FBXO24: variants seen among roughly 807,000 people sequenced by gnomAD.
FBXO24 encodes F-box only protein 24.
A neutral mutation model predicts 63.5 loss-of-function variants in FBXO24; 30 were observed. That is an observed-to-expected ratio of 0.47 (90% CI 0.35 to 0.64). The LOEUF (loss-of-function observed/expected upper bound fraction) is 0.64. Among genes scored for constraint, FBXO24 ranks in the 30% least tolerant of loss-of-function variants. The pLI is 0.00. For synonymous variants in FBXO24, 300 were observed against 305.0 expected (o/e 0.98, Z 0.17); for missense variants, 624 against 763.4 (o/e 0.82, Z 2.15).
Position 100,600,851 on chromosome 7 carries a change from G to A in FBXO24, c.1695G>A (p.Arg565=). 1 of 1,613,952 alleles carries A rather than the reference G, an allele frequency of 6.2e-7. No homozygotes were observed. The highest frequency in any genetic ancestry group is 8.5e-7 in the Non-Finnish European group (1 of 1,179,928). Residue 565 remains arginine (R), a synonymous_variant, in exon 10 of 10, where the codon AGG becomes AGA. Transcript: ENST00000241071. This position sits in a 1 kb window ranked among gnomAD's most constrained non-coding sequence, Gnocchi z 6.3. The part of the protein sequence containing the change: ...FFWEALDMLQ[R]AEGGGGGVGP... ...GGGAGGCCCTGGACATGCTGCAGAG[G>A]GCTGAAGGAGGCGGGGGTGGTGTAG... is the stretch of plus-strand genomic sequence containing the variant.
chr7:100,597,383 ATTTATTTTTATT>A (rs896204495), intron 8 of FBXO24, among the ~76,000 whole-genome samples: 1 of 152,102 alleles, frequency 6.6e-6, no homozygotes. Context: ...ACATAGTACC[ATTTATTTTTATT>A]TTTATTTTTA....
At chr7:100,599,877 T>C in intron 8 of FBXO24, 154 bp from the exon 9 acceptor site, 1 of 776,782 alleles carries the variant, frequency 1.3e-6, no homozygotes. Context: ...GCTGCAGGGG[T>C]CAGCAGGGCA....
At position 100,595,711 on chromosome 7, in the gene FBXO24, G is replaced by C; in HGVS notation, c.1206+5G>C. 1 of 1,589,152 alleles carries C rather than the reference G, an allele frequency of 6.3e-7. No homozygotes were observed. Among genetic ancestry groups the C allele is most frequent in the Non-Finnish European group, 8.6e-7 (1 of 1,163,700 alleles). On this transcript the variant is annotated splice_donor_5th_base_variant and intron_variant, in intron 8 of 9. Coordinates refer to ENST00000241071, the MANE Select transcript of FBXO24 (RefSeq NM_033506.3). Reference sequence around the variant, plus strand: ...GACCGAGGGGAACCCACACAGGTGAGACTATTTCCCAGCAACTCTCATCCC... The same window carrying C: ...GACCGAGGGGAACCCACACAGGTGACACTATTTCCCAGCAACTCTCATCCC...
chr7:100,595,713 C>T lies in FBXO24; in HGVS notation c.1206+7C>T. ...CCGAGGGGAACCCACACAGGTGAGA[C>T]TATTTCCCAGCAACTCTCATCCCAA... On this transcript the variant is annotated splice_region_variant and intron_variant, in intron 8 of 9. Transcript: ENST00000241071. 6.3e-7 allele frequency: 1 copy of T among 1,587,788 alleles called. No individual in the cohort carries two copies.
intron 1 of FBXO24, among the ~76,000 whole-genome samples, chr7:100,588,006 C>T (rs1801837410): frequency 2.0e-5 from 3 of 152,064 alleles, no homozygotes; most frequent in Admixed American, 6.5e-5. Flanking sequence ...CCTCAGCCTC[C>T]CGAGTAACTG....
rs776908351 is a variant in FBXO24, at chr7:100,595,558, T to G, written c.1075-17T>G. 8 of 1,570,212 alleles carry G rather than the reference T, an allele frequency of 5.1e-6. No homozygotes were observed. The highest frequency in any genetic ancestry group is 6.9e-6 in the Non-Finnish European group (8 of 1,154,140). On this transcript the variant is annotated splice_polypyrimidine_tract_variant and intron_variant, in intron 7 of 9. Coordinates refer to ENST00000241071, the MANE Select transcript of FBXO24 (RefSeq NM_033506.3). The stretch of plus-strand genomic sequence containing the variant: ...GAGGGAATGGAATCCCTATCCCCTT[T>G]CTATCTTGCACGCTAGATCCTATTC...
chr7:100,592,240 C>A (rs1339484043), intron 4 of FBXO24: 3 of 264,814 alleles, frequency 1.1e-5, no homozygotes, highest in African/African-American at 4.5e-5. Context: ...GCCTGGGCAA[C>A]AAGAGGGAGA....
chr7:100,592,645 C>T (rs1802087097), intron 4 of FBXO24, 138 bp from the exon 5 acceptor site: 1 of 675,154 alleles, frequency 1.5e-6, no homozygotes, highest in African/African-American at 1.8e-5. Flanking sequence ...TCTGCCCTCC[C>T]ACATAGGAAC....
Position 100,594,462 on chromosome 7 carries a change from G to A in FBXO24, c.873G>A (p.Leu291=), listed in dbSNP as rs1164324036. 6.2e-7 allele frequency: 1 copy of A among 1,613,606 alleles called. No individual in the cohort carries two copies. Among genetic ancestry groups the A allele is most frequent in the Non-Finnish European group, 8.5e-7 (1 of 1,179,818 alleles). Residue 291 remains leucine, a synonymous_variant, in exon 6 of 10, where the codon CTG becomes CTA. Coordinates refer to ENST00000241071, the MANE Select transcript of FBXO24 (RefSeq NM_033506.3). This position sits in a 1 kb window ranked among gnomAD's most constrained non-coding sequence, Gnocchi z 4.2. ...GCTCCTACACGGTTCAGCTGGCCCT[G>A]AGGAAGGTGTCCCACTACCTGCCTC... is the stretch of plus-strand genomic sequence containing the variant. ...QPRSYTVQLA[L]RKVSHYLPHL... is the part of the protein sequence containing the mutation.
chr7:100,593,914 G>A (rs1306590496), intron 5 of FBXO24, among the ~76,000 whole-genome samples: 2 of 151,672 alleles, frequency 1.3e-5, no homozygotes, highest in Non-Finnish European at 2.9e-5. Flanking sequence ...ACATCCCCAG[G>A]CCTGAGACCC....
Position 100,586,617 on chromosome 7 carries a change from A to G in FBXO24, c.-9A>G, listed in dbSNP as rs1801765653. The G allele has an allele frequency of 7.4e-6, 12 of 1,614,178 alleles. No individual in the cohort carries two copies. Among genetic ancestry groups the G allele is most frequent in the Non-Finnish European group, 1.0e-5 (12 of 1,180,012 alleles). On this transcript the variant is annotated 5_prime_UTR_variant, in exon 1 of 10. Coordinates refer to ENST00000241071, the MANE Select transcript of FBXO24 (RefSeq NM_033506.3). ...TCTTCTCTGAGGGACGGCTCTACCT[A>G]CCAATAGCATGGGCGAGAAGGCGGT... is the stretch of plus-strand genomic sequence containing the variant.
At position 100,586,594 on chromosome 7, in the gene FBXO24, T is replaced by A; in HGVS notation, c.-32T>A. 6.2e-7 allele frequency: 1 copy of A among 1,613,892 alleles called. No homozygotes were observed. Among genetic ancestry groups the A allele is most frequent in the Non-Finnish European group, 8.5e-7 (1 of 1,179,776 alleles). Reference sequence around the variant, plus strand: ...TCCGAAGGGAATCTGGACCTGCCTCTTCTCTGAGGGACGGCTCTACCTACC... The same window carrying A: ...TCCGAAGGGAATCTGGACCTGCCTCATCTCTGAGGGACGGCTCTACCTACC... On this transcript the variant is annotated 5_prime_UTR_variant, in exon 1 of 10. Transcript: ENST00000241071.
In FBXO24 at chr7:100,594,448, G is replaced by T. The variant is rs1431632199; in HGVS notation, c.859G>T (p.Val287Phe). Residue 287 changes from valine (V) to phenylalanine (F), a missense_variant, in exon 6 of 10, where the codon GTT (valine) becomes TTT (phenylalanine). This residue lies in a region of FBXO24 where 391 missense variants were observed against 469.1 expected (regional missense o/e 0.83). Coordinates refer to ENST00000241071, the MANE Select transcript of FBXO24 (RefSeq NM_033506.3). This position sits in a 1 kb window ranked among gnomAD's most constrained non-coding sequence, Gnocchi z 4.2. Reference protein sequence around the residue: ...TQLDQPRSYTVQLALRKVSHY... With the variant: ...TQLDQPRSYTFQLALRKVSHY... The stretch of plus-strand genomic sequence containing the variant: ...GCTTGACCAGCCACGCTCCTACACG[G>T]TTCAGCTGGCCCTGAGGAAGGTGTC... The T allele has an allele frequency of 6.2e-7, 1 of 1,613,684 alleles. No individual in the cohort carries two copies. Among genetic ancestry groups the T allele is most frequent in the South Asian group, 1.1e-5 (1 of 91,016 alleles).
At position 100,600,470 on chromosome 7, in the gene FBXO24, C is replaced by A; in HGVS notation, c.1378-64C>A. 1 of 1,520,012 alleles carries A rather than the reference C, an allele frequency of 6.6e-7. No individual in the cohort carries two copies. The highest frequency in any genetic ancestry group is 1.3e-5 in the South Asian group (1 of 75,334). 94.2% of individuals were successfully genotyped at this position (1,520,012 alleles called of 1,614,324 possible). ...AATGCAATAGGCAGATTAGCCCGGGCACCCTGGGAAACCCTGCAAGGAAAG... is the reference window on the plus strand; with the variant it reads ...AATGCAATAGGCAGATTAGCCCGGGAACCCTGGGAAACCCTGCAAGGAAAG... On this transcript the variant is annotated intron_variant, in intron 9 of 9. Transcript: ENST00000241071. The surrounding 1 kb of genome is among the most constrained non-coding windows in gnomAD (Gnocchi z 6.3).
rs1802188507 is a variant in FBXO24 at position 100,594,340 on chromosome 7, T to C, written c.794-43T>C. 2 of 1,605,242 alleles carry C rather than the reference T, an allele frequency of 1.2e-6. No homozygotes were observed. Among genetic ancestry groups the C allele is most frequent in the Middle Eastern group, 1.7e-4 (1 of 6,012 alleles). ...GTCTCTTGGGATGTTTATGTGGATA[T>C]TGGAGAATCCCCTCCCCAACTAATT... On this transcript the variant is annotated intron_variant, in intron 5 of 9. Transcript: ENST00000241071. The surrounding 1 kb of genome is among the most constrained non-coding windows in gnomAD (Gnocchi z 4.2).
At chr7:100,588,837 GT>G (rs758602040) in intron 1 of FBXO24, among the ~76,000 whole-genome samples, 1 of 151,644 alleles carries the variant, frequency 6.6e-6, no homozygotes, top group African/African-American at 2.4e-5. Context: ...TTTTTTGTTT[GT>G]TTTTTTTGAA....
rs897561004 is a variant in FBXO24 at position 100,586,879 on chromosome 7, C to A, written c.39+215C>A. The A allele has an allele frequency of 3.0e-5, 18 of 592,764 alleles. No individual in the cohort carries two copies. In the African/African-American group the frequency reaches 3.2e-4, roughly 10 times the overall value. 36.7% of individuals were successfully genotyped at this position (592,764 alleles called of 1,614,324 possible). ...AGCGGGGGGACCTCCGACTGTGAAG[C>A]CTCTGGCAGGGGTCTCGGGACCCCC... is the stretch of plus-strand genomic sequence containing the variant. On this transcript the variant is annotated intron_variant, in intron 1 of 9. Transcript: ENST00000241071.
intron 1 of FBXO24, 40 bp downstream of exon 1, chr7:100,586,704 G>A (rs199502589): frequency 6.2e-7 from 1 of 1,611,860 alleles, no homozygotes; most frequent in African/African-American, 1.3e-5. Flanking sequence ...GAATGAACGC[G>A]GAGCCCCTGG....
rs1322808364 is a variant in FBXO24 at position 100,600,757 on chromosome 7, A to C, written c.1601A>C (p.Asp534Ala). Residue 534 changes from aspartate (D) to alanine (A), a missense_variant, in exon 10 of 10, where the codon GAC becomes GCC. Asp to Ala is a moderately radical substitution (Grantham distance 126). Transcript: ENST00000241071. The surrounding 1 kb of genome is among the most constrained non-coding windows in gnomAD (Gnocchi z 6.3). ...SQIHSCQTLQ[D>A]RTEKMKEIVG... ...ATCCACAGTTGCCAAACGTTGCAGG[A>C]CCGCACGGAGAAGATGAAGGAGATC... 1 of 1,614,026 alleles carries C rather than the reference A, an allele frequency of 6.2e-7. No homozygotes were observed. Among genetic ancestry groups the C allele is most frequent in the East Asian group, 2.2e-5 (1 of 44,878 alleles).
Sources: gnomAD v4.1 joint callset for allele counts (sites outside exome capture counted in the v4.1 genomes callset) on GRCh38, gnomAD v4.1.1 for gene constraint, gnomAD v4.1.1 regional missense constraint, Gnocchi (gnomAD v3.1) non-coding constraint, MANE v1.5 for transcripts, NCBI Gene and HGNC (gene_info 2026-07-23, HGNC 2026-07-21) for gene names.